The following PTPRD variants were observed in gnomAD, a reference collection of about 807,000 sequenced individuals.
PTPRD encodes the protein receptor-type tyrosine-protein phosphatase delta.
A neutral mutation model predicts 214.5 loss-of-function variants in PTPRD; 34 were observed. The observed-to-expected ratio is 0.16, with a 90% CI of 0.12 to 0.21. PTPRD has a LOEUF of 0.21. PTPRD is among the 10% of genes least tolerant of loss of function. PTPRD has a pLI of 1.00. For synonymous variants in PTPRD, 1,128 were observed against 845.7 expected, an observed-to-expected ratio of 1.33 and a Z score of -5.79; for missense variants, 2,545 against 2,398.7, an observed-to-expected ratio of 1.06 and a Z score of -1.27.
chr9:9,166,603 T>C (rs1434415503), intron 10 of PTPRD, among the ~76,000 whole-genome samples: 4 of 152,210 alleles, frequency 2.6e-5, no homozygotes, highest in Admixed American at 2.6e-4. Flanking sequence ...TCTCCTCTGC[T>C]GCAACAGACC....
chr9:9,412,970 A>G (rs1020949492), intron 8 of PTPRD, among the ~76,000 whole-genome samples: 15 of 152,110 alleles, frequency 9.9e-5, no homozygotes, highest in African/African-American at 3.4e-4. Context: ...AGTGGAACTT[A>G]GCAGTCCACC....
chr9:8,632,728 G>A (rs774248441), intron 14 of PTPRD, among the ~76,000 whole-genome samples: 1 of 152,088 alleles, frequency 6.6e-6, no homozygotes, highest in African/African-American at 2.4e-5. Context: ...GTCAAATTGT[G>A]TAAGCAACAT....
chr9:9,338,185 G>A (rs779786620), intron 9 of PTPRD, among the ~76,000 whole-genome samples: 1 of 152,156 alleles, frequency 6.6e-6, no homozygotes, highest in Non-Finnish European at 1.5e-5. Context: ...AATGCTCAGT[G>A]CTAGTGCAAA....
intron 9 of PTPRD, among the ~76,000 whole-genome samples, chr9:9,308,725 AAG>A (rs1360880420): frequency 6.6e-6 from 1 of 152,166 alleles, no homozygotes; most frequent in Non-Finnish European, 1.5e-5. Flanking sequence ...TATTTTTGGA[AAG>A]AGTTATTAAA....
intron 5 of PTPRD, among the ~76,000 whole-genome samples, chr9:9,778,785 G>A (rs2098819724): frequency 6.6e-6 from 1 of 151,876 alleles, no homozygotes; most frequent in Admixed American, 6.6e-5. Context: ...TCCAGGCTAT[G>A]GCACAAAGTA....
chr9:8,341,350 T>G, intron 40 of PTPRD, 82 bp from the exon 41 acceptor site: 10 of 1,401,336 alleles, frequency 7.1e-6, no homozygotes, highest in Non-Finnish European at 9.6e-6. Context: ...TACCCCAGAT[T>G]TCCCTTTTAG....
At chr9:8,334,137 A>C (rs1325819453) in intron 43 of PTPRD, among the ~76,000 whole-genome samples, 1 of 151,980 alleles carries the variant, frequency 6.6e-6, no homozygotes, top group East Asian at 1.9e-4. Flanking sequence ...GACACAGAAT[A>C]TTAGCAAGGA....
chr9:8,667,198 G>A (rs2097187049), intron 12 of PTPRD, among the ~76,000 whole-genome samples: 1 of 152,120 alleles, frequency 6.6e-6, no homozygotes, highest in Non-Finnish European at 1.5e-5. Context: ...AATTAGCTGG[G>A]CGTTGTGGTG....
At position 8,404,572 on chromosome 9, in the gene PTPRD, T is replaced by C. The variant is rs1564575791; in HGVS notation, c.4175A>G (p.Tyr1392Cys). Reference sequence around the variant, plus strand: ...TGATAGGAGAACCCGGGAATGATCATATGCGATTACATTCGCGTATCTATT... The same window carrying C: ...TGATAGGAGAACCCGGGAATGATCACATGCGATTACATTCGCGTATCTATT... The part of the protein sequence containing the change: ...PKNRYANVIA[Y>C]DHSRVLLSAI... The change falls in exon 36 of 46, where the codon TAT (tyrosine) becomes TGT (cysteine). Residue 1392 changes from tyrosine (Y) to cysteine (C), a missense_variant. Coordinates refer to ENST00000381196, the MANE Select transcript of PTPRD (RefSeq NM_002839.4). 3.1e-6 allele frequency: 5 copies of C among 1,613,570 alleles called. No homozygotes were observed. The highest frequency in any genetic ancestry group is 2.2e-5 in the East Asian group (1 of 44,820).
intron 3 of PTPRD, among the ~76,000 whole-genome samples, chr9:10,101,245 G>GAA (rs755091637): frequency 0.084 from 12,709 of 151,612 alleles, 900 homozygotes; most frequent in East Asian, 0.38. Context: ...TTTACTATGG[G>GAA]ACTCGCTGAA....
At chr9:9,984,335 A>G (rs1006495269) in intron 4 of PTPRD, among the ~76,000 whole-genome samples, 2 of 152,154 alleles carry the variant, frequency 1.3e-5, no homozygotes, top group Non-Finnish European at 2.9e-5. Flanking sequence ...TAGGACTGGG[A>G]AAAAGTAGCC....
chr9:9,003,433 C>G lies in PTPRD; in HGVS notation c.-104+15264G>C, dbSNP rs142565403. Among the ~76,000 whole-genome samples, 60 of 152,118 alleles carry G rather than the reference C, an allele frequency of 3.9e-4. No homozygotes were observed. The East Asian group carries it at 0.011, about 28-fold the overall frequency. On this transcript the variant is annotated intron_variant, in intron 11 of 45. Transcript: ENST00000381196. The stretch of plus-strand genomic sequence containing the variant: ...AATATGCCTACTTGTGTTCTACCCT[C>G]TCAAATGCCTATTCTCCTTTAGTAT...
chr9:8,954,907 G>T (rs1351273030), intron 11 of PTPRD, among the ~76,000 whole-genome samples: 2 of 151,850 alleles, frequency 1.3e-5, no homozygotes, highest in Non-Finnish European at 2.9e-5. Flanking sequence ...TACCAAAGTT[G>T]GTTATCACTA....
intron 3 of PTPRD, among the ~76,000 whole-genome samples, chr9:10,144,644 T>G (rs1452736243): frequency 6.6e-6 from 1 of 152,138 alleles, no homozygotes; most frequent in Non-Finnish European, 1.5e-5. Flanking sequence ...CTTCAATATT[T>G]TGACCTATCT....
chr9:8,588,072 A>G (rs181277422), intron 14 of PTPRD, among the ~76,000 whole-genome samples: 1 of 152,334 alleles, frequency 6.6e-6, no homozygotes, highest in East Asian at 1.9e-4. Context: ...CTTTGCCTAT[A>G]TGGTGTAATT....
intron 8 of PTPRD, among the ~76,000 whole-genome samples, chr9:9,417,149 T>C (rs866254363): frequency 3.2e-4 from 48 of 152,294 alleles, no homozygotes; most frequent in African/African-American, 1.1e-3. Flanking sequence ...AAGTTTCACT[T>C]GCTTCAGCTA....
intron 8 of PTPRD, among the ~76,000 whole-genome samples, chr9:9,564,884 G>GGTTT (rs2083968412): frequency 8.2e-5 from 4 of 48,842 alleles, no homozygotes; most frequent in Non-Finnish European, 7.6e-5. Flanking sequence ...TGAATCTTCT[G>GGTTT]TTTTTTTTTT....
rs540378308 is a variant in PTPRD, at chr9:8,670,561, C to T, written c.65-33717G>A. On this transcript the variant is annotated intron_variant, in intron 12 of 45. Coordinates refer to ENST00000381196, the MANE Select transcript of PTPRD (RefSeq NM_002839.4). ...CTGCTTCACAACAGTAACCACTATG[C>T]TATCTATATGTTTCTATATATCTAT... 9.7e-4 allele frequency among the ~76,000 whole-genome samples: 148 copies of T among 152,308 alleles called. 1 individual carries two copies. The highest frequency in any genetic ancestry group is 3.2e-3 in the African/African-American group (133 of 41,564).
intron 2 of PTPRD, among the ~76,000 whole-genome samples, chr9:10,354,526 G>A (rs532716554): frequency 5.9e-5 from 9 of 152,020 alleles, no homozygotes; most frequent in East Asian, 5.8e-4. Context: ...CTACCTCATC[G>A]TAGTATTTGC....
Sources: gnomAD v4.1 joint callset for allele counts (sites outside exome capture counted in the v4.1 genomes callset) on GRCh38, gnomAD v4.1.1 for gene constraint, MANE v1.5 for transcripts, NCBI Gene and HGNC (gene_info 2026-07-23, HGNC 2026-07-21) for gene names.